PRH1: variants seen among roughly 807,000 people sequenced by gnomAD.
PRH1 encodes the protein proline rich protein HaeIII subfamily 1, also known as salivary acidic proline-rich phosphoprotein 1/2.
PRH1 carries 7 observed loss-of-function variants against 7.9 expected under a neutral mutation model. The observed-to-expected ratio is 0.89, with a 90% CI of 0.50 to 1.67. The LOEUF (loss-of-function observed/expected upper bound fraction) is 1.67, where lower values mean the gene tolerates loss of function less well. PRH1 is among the 40% of genes most tolerant of loss of function. PRH1 has a pLI of 0.00. For missense variants in PRH1, 109 were observed against 223.6 expected (o/e 0.49, Z 3.27); for synonymous variants, 45 against 80.8 (o/e 0.56, Z 2.38).
chr12:10,925,105 G>T (rs1389135456), intron 2 of PRH1, among the ~76,000 whole-genome samples: 2 of 152,096 alleles, frequency 1.3e-5, no homozygotes, highest in African/African-American at 2.4e-5. Context: ...TGTAAAAGTG[G>T]CAATCCACTC....
intron 2 of PRH1, among the ~76,000 whole-genome samples, chr12:10,901,815 G>A (rs1194172564): frequency 1.6e-5 from 1 of 60,692 alleles, no homozygotes; most frequent in East Asian, 1.5e-3. Context: ...GGAATGGAAA[G>A]GGAAAGAAAA....
At chr12:11,067,875 A>C (rs185627517) in intron 1 of PRH1, among the ~76,000 whole-genome samples, 1 of 152,316 alleles carries the variant, frequency 6.6e-6, no homozygotes, top group African/African-American at 2.4e-5. Context: ...AACAATAAGA[A>C]AAATTTTAAA....
chr12:10,951,028 C>T (rs1950562200), intron 2 of PRH1, among the ~76,000 whole-genome samples: 1 of 152,048 alleles, frequency 6.6e-6, no homozygotes, highest in African/African-American at 2.4e-5. Flanking sequence ...AATTCTGGGA[C>T]CAATGTCAAA....
At chr12:11,064,505 T>G (rs910938061) in intron 1 of PRH1, among the ~76,000 whole-genome samples, 1 of 152,090 alleles carries the variant, frequency 6.6e-6, no homozygotes, top group African/African-American at 2.4e-5. Context: ...AATTCCTCTG[T>G]ATATATACCT....
intron 1 of PRH1, among the ~76,000 whole-genome samples, chr12:11,104,383 G>A (rs1459529023): frequency 2.0e-5 from 3 of 151,206 alleles, no homozygotes; most frequent in Non-Finnish European, 4.4e-5. Context: ...TAAAAATAAA[G>A]TTTTTCAAAC....
At chr12:10,895,548 C>T (rs1041760182) in intron 2 of PRH1, 10 of 152,240 alleles carry the variant, frequency 6.6e-5, no homozygotes, top group African/African-American at 2.4e-4. Flanking sequence ...GAGAAGTTGG[C>T]TACCTTGAGG....
intron 2 of PRH1, among the ~76,000 whole-genome samples, chr12:10,923,061 C>T (rs956720078): frequency 6.6e-6 from 1 of 150,560 alleles, no homozygotes; most frequent in Admixed American, 6.6e-5. Flanking sequence ...ATCTCCTGAC[C>T]TCATGATCCA....
intron 1 of PRH1, among the ~76,000 whole-genome samples, chr12:11,155,413 C>T (rs1046198189): frequency 2.6e-5 from 4 of 152,108 alleles, no homozygotes; most frequent in Admixed American, 1.3e-4. Flanking sequence ...TTTTCTAGAA[C>T]ATTAGAAACC....
At chr12:11,063,645 C>G (rs1208685247) in intron 1 of PRH1, among the ~76,000 whole-genome samples, 1 of 152,088 alleles carries the variant, frequency 6.6e-6, no homozygotes, top group Non-Finnish European at 1.5e-5. Context: ...TAAATCAACT[C>G]TGCTAAACCA....
chr12:11,051,571 A>G (rs1231668234), upstream of PRH1, among the ~76,000 whole-genome samples: 5 of 148,772 alleles, frequency 3.4e-5, no homozygotes, highest in South Asian at 2.2e-4. Flanking sequence ...GTTTACCTCA[A>G]TGTGTTTCCA....
chr12:10,936,941 C>A (rs1950298189), intron 2 of PRH1, among the ~76,000 whole-genome samples: 1 of 152,048 alleles, frequency 6.6e-6, no homozygotes, highest in South Asian at 2.1e-4. Context: ...GTTTAGTAAA[C>A]AGCCCTCATC....
At chr12:10,997,876 G>T (rs762627176) in intron 1 of PRH1, 30 of 1,567,514 alleles carry the variant, frequency 1.9e-5, no homozygotes, top group Non-Finnish European at 2.2e-5. Context: ...AACTCATCAT[G>T]TCTAAACAAA....
chr12:11,168,325 AAGGAAGG>A (rs1947683640), intron 1 of PRH1, among the ~76,000 whole-genome samples: 1 of 71,532 alleles, frequency 1.4e-5, no homozygotes, highest in Non-Finnish European at 3.4e-5. Flanking sequence ...GGAAGGAAGG[AAGGAAGG>A]AAGGAAGGAA....
intron 1 of PRH1, among the ~76,000 whole-genome samples, chr12:11,155,200 A>T (rs1947216009): frequency 6.6e-6 from 1 of 152,238 alleles, no homozygotes; most frequent in Non-Finnish European, 1.5e-5. Context: ...AGAAAAAGTA[A>T]CTTGCACTGA....
chr12:10,905,162 C>T (rs1949785386), intron 2 of PRH1, among the ~76,000 whole-genome samples: 1 of 151,890 alleles, frequency 6.6e-6, no homozygotes, highest in South Asian at 2.1e-4. Context: ...TCAACCTAGT[C>T]ATCCCATTAC....
At chr12:10,958,649 G>A (rs911984596) in intron 2 of PRH1, among the ~76,000 whole-genome samples, 5 of 152,172 alleles carry the variant, frequency 3.3e-5, no homozygotes, top group African/African-American at 1.2e-4. Context: ...AATGATATCT[G>A]AGGAGTGATA....
At chr12:11,074,046 A>G (rs374361040) in intron 1 of PRH1, among the ~76,000 whole-genome samples, 37,117 of 99,780 alleles carry the variant, frequency 0.37, 8,599 homozygotes, top group Non-Finnish European at 0.47. Context: ...GGAGGGGACT[A>G]TATTGGACAC....
At chr12:11,012,226 G>A (rs1055594094) in intron 1 of PRH1, among the ~76,000 whole-genome samples, 2 of 151,740 alleles carry the variant, frequency 1.3e-5, no homozygotes, top group African/African-American at 4.8e-5. Context: ...GTTAAAAATC[G>A]GTCTTCAATA....
At chr12:11,098,582 T>C (rs548630562) in intron 1 of PRH1, among the ~76,000 whole-genome samples, 1 of 152,376 alleles carries the variant, frequency 6.6e-6, no homozygotes, top group Admixed American at 6.5e-5. Flanking sequence ...GGAAGTTTTA[T>C]AACCCAATAC....
Sources: allele counts gnomAD v4.1 joint callset (sites outside exome capture counted in the v4.1 genomes callset), GRCh38; gene constraint gnomAD v4.1.1; transcripts MANE v1.5; gene names NCBI Gene and HGNC (gene_info 2026-07-23, HGNC 2026-07-21).